NFKBID: variants seen among roughly 807,000 people sequenced by gnomAD.
NFKBID encodes NFKB inhibitor delta.
NFKBID carries 26 observed loss-of-function variants against 53.4 expected under a neutral mutation model. The ratio of observed to expected loss-of-function variants is 0.49; its 90% confidence interval spans 0.36 to 0.68. The LOEUF (loss-of-function observed/expected upper bound fraction) is 0.68, where lower values mean the gene tolerates loss of function less well. Among genes scored for constraint, NFKBID ranks in the 30% least tolerant of loss-of-function variants. The pLI, the probability that NFKBID is intolerant of heterozygous loss-of-function variation, is 0.00. For missense variants in NFKBID, 493 were observed against 614.1 expected (o/e 0.80, Z 2.08); for synonymous variants, 262 against 259.8 (o/e 1.01, Z -0.08).
At position 35,890,178 on chromosome 19, in the gene NFKBID, G is replaced by A. The variant is rs896147444; in HGVS notation, c.1150-124C>T. 1.8e-5 allele frequency: 19 copies of A among 1,057,738 alleles called. No homozygotes were observed. In the African/African-American group the frequency reaches 1.9e-4, roughly 11 times the overall value. 65.5% of individuals were successfully genotyped at this position (1,057,738 alleles called of 1,614,324 possible). ...TCCTTTCACATCCCAGACCTCCCCC[G>A]GCCACAGCCACGCTGCATGCATCCC... On this transcript the variant is annotated intron_variant, in intron 10 of 11. Transcript: ENST00000641389.
chr19:35,897,851 G>A (rs779060718), exon 4 of NFKBID: 2 of 1,545,296 alleles, frequency 1.3e-6, no homozygotes, highest in East Asian at 2.4e-5. Flanking sequence ...GGGAAGGGAG[G>A]GTGGCCTGCG....
At chr19:35,898,748 G>C in exon 2 of NFKBID, 3 of 1,536,078 alleles carry the variant, frequency 2.0e-6, no homozygotes, top group Non-Finnish European at 2.6e-6. Flanking sequence ...GGCTGCTGCT[G>C]CTGGCGGCGC....
At chr19:35,897,364 C>T in intron 4 of NFKBID, 1 of 545,504 alleles carries the variant, frequency 1.8e-6, no homozygotes, top group Non-Finnish European at 3.2e-6. Flanking sequence ...AAGCAATTCC[C>T]CTGCCTCAGC....
intron 9 of NFKBID, 26 bp from the exon 10 acceptor site, chr19:35,890,516 C>T (rs780775806): frequency 1.3e-6 from 2 of 1,508,286 alleles, no homozygotes; most frequent in Non-Finnish European, 1.8e-6. Context: ...TGGCAGAGGT[C>T]AGGGCCAGCC....
upstream of NFKBID, among the ~76,000 whole-genome samples, chr19:35,901,114 T>C (rs975073934): frequency 6.6e-6 from 1 of 151,982 alleles, no homozygotes; most frequent in African/African-American, 2.4e-5. Context: ...ATTACAGGCT[T>C]GAGCCATGGT....
In NFKBID at chr19:35,896,618, C is replaced by A; in HGVS notation, c.685-80G>T. On this transcript the variant is annotated intron_variant, in intron 6 of 11. Transcript: ENST00000641389. The surrounding 1 kb of genome is among the most constrained non-coding windows in gnomAD (Gnocchi z 5.7). ...CCAGGCTCCCAGCCCCATCCCCCCT[C>A]AGCCCCAGGAGCTCACCCCCCATTC... 1 of 1,524,696 alleles carries A rather than the reference C, an allele frequency of 6.6e-7. No homozygotes were observed. The highest frequency in any genetic ancestry group is 1.1e-5 in the South Asian group (1 of 88,158). 94.4% of individuals were successfully genotyped at this position (1,524,696 alleles called of 1,614,324 possible).
At chr19:35,897,201 A>G in intron 4 of NFKBID, 143 bp from the exon 5 acceptor site, 1 of 839,942 alleles carries the variant, frequency 1.2e-6, no homozygotes, top group Non-Finnish European at 1.8e-6. Flanking sequence ...TGGGTATCCC[A>G]TCTATGCCAA....
chr19:35,892,996 C>A (rs956983611), intron 9 of NFKBID, among the ~76,000 whole-genome samples: 3 of 152,080 alleles, frequency 2.0e-5, no homozygotes, highest in African/African-American at 2.4e-5. Flanking sequence ...GAGACCCCCC[C>A]TCTCTACAAA....
chr19:35,899,610 G>A (rs914014114), intron 1 of NFKBID: 3 of 143,178 alleles, frequency 2.1e-5, no homozygotes, highest in African/African-American at 7.9e-5. Context: ...TCTTTTTCAG[G>A]CCCCAGGAAT....
intron 2 of NFKBID, 27 bp downstream of exon 2, chr19:35,898,692 C>T (rs1376067363): frequency 6.5e-7 from 1 of 1,529,844 alleles, no homozygotes; most frequent in Admixed American, 2.0e-5. Flanking sequence ...ACGGGGCCTC[C>T]GGAGAGCTGT....
In NFKBID at chr19:35,896,876, C is replaced by A. The variant is rs1715013211; in HGVS notation, c.578+37G>T. ...AGCCGTGAGAACAGCCCCCACCAAG[C>A]CAAGAGTCTGCAGACAACCCTATCC... On this transcript the variant is annotated intron_variant, in intron 5 of 11. Transcript: ENST00000641389. This position sits in a 1 kb window ranked among gnomAD's most constrained non-coding sequence, Gnocchi z 5.7. The A allele has an allele frequency of 1.2e-6, 2 of 1,613,814 alleles. No homozygotes were observed. Among genetic ancestry groups the A allele is most frequent in the African/African-American group, 1.3e-5 (1 of 74,930 alleles).
exon 1 of NFKBID, chr19:35,900,481 C>A: frequency 4.1e-6 from 5 of 1,231,928 alleles, no homozygotes; most frequent in Non-Finnish European, 5.1e-6. Flanking sequence ...CCCCCAGGGC[C>A]GCGGCCTCGG....
At chr19:35,895,599 C>T (rs550094318) in intron 9 of NFKBID, among the ~76,000 whole-genome samples, 70 of 152,134 alleles carry the variant, frequency 4.6e-4, no homozygotes, top group African/African-American at 1.6e-3. Flanking sequence ...GTCGGGAGTT[C>T]GAGACCAGCA....
chr19:35,897,798 G>A, exon 4 of NFKBID: 1 of 1,597,550 alleles, frequency 6.3e-7, no homozygotes, highest in Non-Finnish European at 8.5e-7. Flanking sequence ...AGTCTGGAAA[G>A]CCCAGGCTGC....
Position 35,896,660 on chromosome 19 carries a change from C to A in NFKBID, c.684+66G>T. The A allele has an allele frequency of 6.7e-7, 1 of 1,493,286 alleles. No individual in the cohort carries two copies. The highest frequency in any genetic ancestry group is 9.2e-7 in the Non-Finnish European group (1 of 1,081,642). The allele number at this position is 1,493,286 out of a possible 1,614,324, so 92.5% of individuals were successfully genotyped here. ...CCCCCATTCCCCTCTTCTCTAGGAT[C>A]CAGGGGTCCAGGCCCCAGGCTCCTT... On this transcript the variant is annotated intron_variant, in intron 6 of 11. Transcript: ENST00000641389. This position sits in a 1 kb window ranked among gnomAD's most constrained non-coding sequence, Gnocchi z 5.7.
At position 35,900,631 on chromosome 19, in the gene NFKBID, C is replaced by T. The variant is rs557768847; in HGVS notation, c.-129G>A. The T allele has an allele frequency of 1.1e-4, 135 of 1,229,282 alleles. No homozygotes were observed. The South Asian group carries it at 3.2e-3, about 29-fold the overall frequency. The allele number at this position is 1,229,282 out of a possible 1,614,324, so 76.1% of individuals were successfully genotyped here. ...GGCCCGCCCACAGGCCTGGGAGTCC[C>T]CGGGTCGCGCTCCGGCGAACGCAGT... On this transcript the variant is annotated 5_prime_UTR_variant, in exon 1 of 12. Coordinates refer to ENST00000641389, the Ensembl canonical transcript of NFKBID.
chr19:35,896,054 G>A lies in NFKBID; in HGVS notation c.958C>T (p.Leu320=), dbSNP rs1468213586. 7 of 1,614,096 alleles carry A rather than the reference G, an allele frequency of 4.3e-6. No homozygotes were observed. Among genetic ancestry groups the A allele is most frequent in the Admixed American group, 1.7e-5 (1 of 60,002 alleles). ...AGCCTGTCTCGGGCCTGTGTGCTCA[G>A]CACCCGGGGACAGAGGTCGGAAGGG... Residue 320 remains leucine (L), a synonymous_variant, in exon 9 of 12, where the codon CTG becomes TTG. Transcript: ENST00000641389. This position sits in a 1 kb window ranked among gnomAD's most constrained non-coding sequence, Gnocchi z 5.7.
At chr19:35,898,685 G>A (rs1035757190) in intron 2 of NFKBID, 34 bp downstream of exon 2, 137 of 1,522,376 alleles carry the variant, frequency 9.0e-5, no homozygotes, top group Non-Finnish European at 1.2e-4. Flanking sequence ...GGACAGCACG[G>A]GGCCTCCGGA....
At chr19:35,895,873 C>T (rs1036247286) in intron 9 of NFKBID, 107 bp downstream of exon 9, 9 of 983,326 alleles carry the variant, frequency 9.2e-6, no homozygotes, top group Admixed American at 6.4e-5. Flanking sequence ...TTCAAGGGCA[C>T]GCAGCAAGGA....
Sources: allele counts gnomAD v4.1 joint callset (sites outside exome capture counted in the v4.1 genomes callset), GRCh38; gene constraint gnomAD v4.1.1; non-coding constraint Gnocchi (gnomAD v3.1); transcripts MANE v1.5; gene names NCBI Gene and HGNC (gene_info 2026-07-23, HGNC 2026-07-21).